The following IPMK variants were observed in gnomAD, a reference collection of about 807,000 sequenced individuals.
IPMK encodes the protein inositol polyphosphate multikinase.
IPMK carries 17 observed loss-of-function variants against 45.8 expected under a neutral mutation model. The observed-to-expected ratio is 0.37, with a 90% CI of 0.25 to 0.56. The LOEUF (loss-of-function observed/expected upper bound fraction) is 0.56, where lower values mean the gene tolerates loss of function less well. IPMK is among the 20% of genes least tolerant of loss of function. The pLI, the probability that IPMK is intolerant of heterozygous loss-of-function variation, is 0.79. For synonymous variants in IPMK, 180 were observed against 184.3 expected, an observed-to-expected ratio of 0.98 and a Z score of 0.19; for missense variants, 399 against 498.0, an observed-to-expected ratio of 0.80 and a Z score of 1.89.
In IPMK at chr10:58,194,005, C is replaced by A. The variant is rs1396591294; in HGVS notation, c.*2071G>T. ...AAACAACAGATAAAAGGGCTTCTTG[C>A]TTTATTAAAAACAAAACATGATCTA... On this transcript the variant is annotated 3_prime_UTR_variant, in exon 6 of 6. Coordinates refer to ENST00000373935, the MANE Select transcript of IPMK (RefSeq NM_152230.5). 4.0e-5 allele frequency: 6 copies of A among 151,744 alleles called. No homozygotes were observed. The highest frequency in any genetic ancestry group is 1.4e-4 in the African/African-American group (6 of 41,396). 9.4% of individuals were successfully genotyped at this position (151,744 alleles called of 1,614,324 possible).
intron 1 of IPMK, among the ~76,000 whole-genome samples, chr10:58,249,867 G>A (rs955641192): frequency 7.2e-5 from 11 of 152,052 alleles, no homozygotes; most frequent in Non-Finnish European, 1.5e-4. Context: ...TTTATATATG[G>A]TAAGGGATAC....
rs757832009 is a variant in IPMK at position 58,267,406 on chromosome 10, T to C, written c.190+16A>G. Reference sequence around the variant, plus strand: ...GGCGGAAGGGGAGCGGCGAGACCTATGCCACCCCCACTTACCCACTTTGTC... The same window carrying C: ...GGCGGAAGGGGAGCGGCGAGACCTACGCCACCCCCACTTACCCACTTTGTC... On this transcript the variant is annotated intron_variant, in intron 1 of 5. Coordinates refer to ENST00000373935, the MANE Select transcript of IPMK (RefSeq NM_152230.5). 5.6e-6 allele frequency: 9 copies of C among 1,612,140 alleles called. No homozygotes were observed. The South Asian group carries it at 9.9e-5, about 18-fold the overall frequency.
intron 1 of IPMK, among the ~76,000 whole-genome samples, chr10:58,239,078 G>A (rs1048347822): frequency 1.3e-5 from 2 of 152,176 alleles, no homozygotes; most frequent in African/African-American, 4.8e-5. Flanking sequence ...GAGCCCAGGA[G>A]TTTGAGGCTG....
intron 2 of IPMK, among the ~76,000 whole-genome samples, chr10:58,235,893 C>G (rs558881524): frequency 1.5e-4 from 22 of 150,872 alleles, no homozygotes; most frequent in Middle Eastern, 3.5e-3. Context: ...TTCTATCAAG[C>G]CTTTAAGGAA....
intron 1 of IPMK, among the ~76,000 whole-genome samples, chr10:58,259,890 C>T (rs981015629): frequency 1.3e-5 from 2 of 152,112 alleles, no homozygotes; most frequent in Non-Finnish European, 2.9e-5. Flanking sequence ...TAGAATATTA[C>T]TATTTTGCAA....
chr10:58,266,296 T>A (rs1375778623), intron 1 of IPMK, among the ~76,000 whole-genome samples: 1 of 152,228 alleles, frequency 6.6e-6, no homozygotes, highest in Non-Finnish European at 1.5e-5. Context: ...ATAAAAGTAG[T>A]GGAAAATGTC....
intron 3 of IPMK, among the ~76,000 whole-genome samples, chr10:58,219,865 C>T (rs1838305155): frequency 6.6e-6 from 1 of 152,214 alleles, no homozygotes; most frequent in African/African-American, 2.4e-5. Context: ...TTATTCCCCC[C>T]ATGCCCTAAA....
At chr10:58,267,373 C>T (rs762819752) in intron 1 of IPMK, 49 bp downstream of exon 1, 3 of 1,587,802 alleles carry the variant, frequency 1.9e-6, no homozygotes, top group Non-Finnish European at 2.6e-6. Context: ...TGACAGGGGG[C>T]TCGCACAGGC....
At chr10:58,197,188 T>C (rs1837909100) in intron 5 of IPMK, among the ~76,000 whole-genome samples, 1 of 151,592 alleles carries the variant, frequency 6.6e-6, no homozygotes, top group Non-Finnish European at 1.5e-5. Context: ...TAGTCCCAGC[T>C]ACTCCGGACG....
chr10:58,258,829 T>C (rs1839013077), intron 1 of IPMK, among the ~76,000 whole-genome samples: 1 of 151,840 alleles, frequency 6.6e-6, no homozygotes, highest in African/African-American at 2.4e-5. Context: ...TCCAAATAAA[T>C]AGAAAGATAG....
At chr10:58,233,771 C>A (rs1838563942) in intron 2 of IPMK, among the ~76,000 whole-genome samples, 1 of 152,174 alleles carries the variant, frequency 6.6e-6, no homozygotes, top group African/African-American at 2.4e-5. Context: ...GACAAGGATG[C>A]CCTCTCTCAC....
intron 4 of IPMK, among the ~76,000 whole-genome samples, chr10:58,206,426 A>G (rs182908684): frequency 3.9e-5 from 6 of 152,348 alleles, no homozygotes; most frequent in Admixed American, 3.3e-4. Context: ...AGTGAACTCT[A>G]TACTTTAAAT....
At chr10:58,248,957 C>G (rs1403994480) in intron 1 of IPMK, among the ~76,000 whole-genome samples, 1 of 152,200 alleles carries the variant, frequency 6.6e-6, no homozygotes, top group African/African-American at 2.4e-5. Context: ...TAGGTTGATT[C>G]TATATCTTGG....
intron 1 of IPMK, among the ~76,000 whole-genome samples, chr10:58,256,119 G>A (rs1276329489): frequency 6.6e-6 from 1 of 152,104 alleles, no homozygotes; most frequent in Non-Finnish European, 1.5e-5. Flanking sequence ...AAAAGAACAG[G>A]GTAACAGCAA....
At chr10:58,242,454 C>T (rs1432189725) in intron 1 of IPMK, among the ~76,000 whole-genome samples, 10 of 130,952 alleles carry the variant, frequency 7.6e-5, no homozygotes, top group South Asian at 2.4e-4. Context: ...AGCGAGACTC[C>T]GTCTCAAAAA....
intron 2 of IPMK, among the ~76,000 whole-genome samples, chr10:58,229,571 A>C (rs1838477445): frequency 6.6e-6 from 1 of 151,674 alleles, no homozygotes; most frequent in Admixed American, 6.6e-5. Flanking sequence ...TCAAAAAAAA[A>C]AAAAAAAAAG....
In IPMK at chr10:58,216,230, G is replaced by A. The variant is rs750633004; in HGVS notation, c.461C>T (p.Pro154Leu). 1.2e-6 allele frequency: 2 copies of A among 1,611,106 alleles called. No homozygotes were observed. The highest frequency in any genetic ancestry group is 1.7e-6 in the Non-Finnish European group (2 of 1,177,968). Residue 154 changes from proline (P) to leucine (L), a missense_variant, in exon 4 of 6, where the codon CCT becomes CTT. Coordinates refer to ENST00000373935, the MANE Select transcript of IPMK (RefSeq NM_152230.5). ...CTGAATCTTCTCAGATGAGGCAAAA[G>A]GATCATAGCTTTTTTGCCCTATCTT... Reference protein sequence around the residue: ...DVKIGQKSYDPFASSEKIQQQ... With the variant: ...DVKIGQKSYDLFASSEKIQQQ...
intron 1 of IPMK, among the ~76,000 whole-genome samples, chr10:58,249,846 C>T (rs1462438057): frequency 6.6e-6 from 1 of 152,014 alleles, no homozygotes; most frequent in African/African-American, 2.4e-5. Context: ...CAATCAAATA[C>T]ATATTGGTTT....
At chr10:58,209,688 G>A (rs1038101128) in intron 4 of IPMK, among the ~76,000 whole-genome samples, 6 of 152,192 alleles carry the variant, frequency 3.9e-5, no homozygotes, top group Admixed American at 2.0e-4. Context: ...ATCCTTCATC[G>A]TAGGTAGGTT....
Sources: allele counts gnomAD v4.1 joint callset (sites outside exome capture counted in the v4.1 genomes callset), GRCh38; gene constraint gnomAD v4.1.1; transcripts MANE v1.5; gene names NCBI Gene and HGNC (gene_info 2026-07-23, HGNC 2026-07-21).